Variants in KCNV2 observed in about 807,000 individuals in gnomAD.
KCNV2 encodes potassium voltage-gated channel modifier subfamily V member 2, also known as potassium voltage-gated channel subfamily V member 2.
In KCNV2, 65 loss-of-function variants were observed where a neutral mutation model predicts 37.0. The observed-to-expected ratio is 1.76, with a 90% CI of 1.44 to 2.16. The LOEUF is 2.16. KCNV2 is among the 30% of genes most tolerant of loss of function. The pLI is 0.00. For synonymous variants in KCNV2, 518 were observed against 328.6 expected (o/e 1.58, Z -6.23); for missense variants, 1,232 against 766.7 (o/e 1.61, Z -7.17).
chr9:2,718,432 ACT>A lies in KCNV2; in HGVS notation c.696_697del (p.Phe233ProfsTer138). The A allele has an allele frequency of 6.2e-7, 1 of 1,605,880 alleles. No individual in the cohort carries two copies. Among genetic ancestry groups the A allele is most frequent in the Non-Finnish European group, 8.5e-7 (1 of 1,177,112 alleles). ...AQAQVEEAEELFRDMRFYGPQ... is the reference protein window; with the variant it reads ...AQAQVEEAEEXFRDMRFYGPQ... Reference sequence around the variant, plus strand: ...AGGCGCAGGTCGAGGAGGCGGAGGAACTCTTCCGCGACATGCGCTTCTACGGC... The same window carrying A: ...AGGCGCAGGTCGAGGAGGCGGAGGAACTTCCGCGACATGCGCTTCTACGGC... On this transcript the variant is annotated frameshift_variant, in exon 1 of 2. Coordinates refer to ENST00000382082, the MANE Select transcript of KCNV2 (RefSeq NM_133497.4). LOFTEE classifies it high-confidence loss of function.
chr9:2,717,807 G>A lies in KCNV2; in HGVS notation c.68G>A (p.Gly23Asp), dbSNP rs1381565461. The A allele has an allele frequency of 6.2e-7, 1 of 1,614,238 alleles. No homozygotes were observed. The highest frequency in any genetic ancestry group is 2.2e-5 in the East Asian group (1 of 44,880). ...YRPWNTTENE[G>D]SQHRRSICSL... is the part of the protein sequence containing the mutation. Reference sequence around the variant, plus strand: ...CCCTGGAACACGACGGAGAATGAGGGCAGCCAACACCGCAGGAGCATTTGC... The same window carrying A: ...CCCTGGAACACGACGGAGAATGAGGACAGCCAACACCGCAGGAGCATTTGC... The change falls in exon 1 of 2, where the codon GGC becomes GAC. Residue 23 changes from glycine to aspartate, a missense_variant. Physicochemically the swap from Gly to Asp is moderately conservative, Grantham distance 94 (BLOSUM62 -1). Transcript: ENST00000382082.
chr9:2,728,876 T>A (rs1411546773), intron 1 of KCNV2, among the ~76,000 whole-genome samples: 1 of 143,946 alleles, frequency 6.9e-6, no homozygotes, highest in Non-Finnish European at 1.5e-5. Flanking sequence ...TTCTCCTGTT[T>A]TAAATAAAAA....
rs755584472 is a variant in KCNV2, at chr9:2,717,969, A to C, written c.230A>C (p.Gln77Pro). The change falls in exon 1 of 2, where the codon CAG (glutamine) becomes CCG (proline). Residue 77 changes from glutamine (Q) to proline (P), a missense_variant. Physicochemically the swap from Gln to Pro is moderately conservative, Grantham distance 76. Transcript: ENST00000382082. ...WKDDLAEEDQ[Q>P]AGEVTTAKPE... Reference sequence around the variant, plus strand: ...GACGACCTGGCAGAAGAGGACCAGCAGGCAGGGGAGGTCACCACCGCCAAG... The same window carrying C: ...GACGACCTGGCAGAAGAGGACCAGCCGGCAGGGGAGGTCACCACCGCCAAG... 25 of 1,614,028 alleles carry C rather than the reference A, an allele frequency of 1.5e-5. No homozygotes were observed. In the South Asian group the frequency reaches 2.7e-4, roughly 18 times the overall value.
At chr9:2,725,117 G>C (rs1374277231) in intron 1 of KCNV2, among the ~76,000 whole-genome samples, 1 of 152,188 alleles carries the variant, frequency 6.6e-6, no homozygotes, top group Non-Finnish European at 1.5e-5. Flanking sequence ...GAGAAATGCA[G>C]GGAAGCTGAG....
In KCNV2 at chr9:2,717,710, G is replaced by A; in HGVS notation, c.-30G>A. ...GAGGGACCCCTACCACAGCCAGGAG[G>A]AAAAAGCTAGGCGTCCACTTTCCGC... is the stretch of plus-strand genomic sequence containing the variant. On this transcript the variant is annotated 5_prime_UTR_variant, in exon 1 of 2. Coordinates refer to ENST00000382082, the MANE Select transcript of KCNV2 (RefSeq NM_133497.4). 1 of 1,614,036 alleles carries A rather than the reference G, an allele frequency of 6.2e-7. No individual in the cohort carries two copies. The highest frequency in any genetic ancestry group is 8.5e-7 in the Non-Finnish European group (1 of 1,180,006).
At chr9:2,722,758 C>T (rs1377139534) in intron 1 of KCNV2, among the ~76,000 whole-genome samples, 2 of 152,104 alleles carry the variant, frequency 1.3e-5, no homozygotes, top group Non-Finnish European at 2.9e-5. Context: ...CTGATTTCAG[C>T]TAGAAGGTTC....
chr9:2,724,635 G>A (rs1355312264), intron 1 of KCNV2, among the ~76,000 whole-genome samples: 1 of 152,162 alleles, frequency 6.6e-6, no homozygotes, highest in African/African-American at 2.4e-5. Flanking sequence ...CTCCTAAATT[G>A]GCACCATGAG....
chr9:2,727,715 G>GAT (rs572909851), intron 1 of KCNV2, among the ~76,000 whole-genome samples: 172 of 152,150 alleles, frequency 1.1e-3, no homozygotes, highest in African/African-American at 3.3e-3. Context: ...TTGCATACAT[G>GAT]ATATATATAT....
intron 1 of KCNV2, 140 bp downstream of exon 1, chr9:2,719,235 C>G: frequency 1.1e-6 from 1 of 887,996 alleles, no homozygotes; most frequent in Non-Finnish European, 1.8e-6. Context: ...ATACAGCTAA[C>G]AAAACGGCGA....
chr9:2,720,367 G>A (rs1227303402), intron 1 of KCNV2: 3 of 151,558 alleles, frequency 2.0e-5, no homozygotes, highest in African/African-American at 4.8e-5. Flanking sequence ...GGCTGGACAT[G>A]TAAAAGTCTG....
At chr9:2,726,274 A>C (rs1015641654) in intron 1 of KCNV2, among the ~76,000 whole-genome samples, 11 of 152,204 alleles carry the variant, frequency 7.2e-5, no homozygotes, top group African/African-American at 2.7e-4. Context: ...TGTTGAGTCA[A>C]ATTATTCACG....
At chr9:2,725,910 T>A (rs1819961296) in intron 1 of KCNV2, among the ~76,000 whole-genome samples, 1 of 152,182 alleles carries the variant, frequency 6.6e-6, no homozygotes, top group African/African-American at 2.4e-5. Context: ...GATTTGTTGT[T>A]TAGTGAGTAA....
intron 1 of KCNV2, among the ~76,000 whole-genome samples, chr9:2,724,348 A>G (rs1295574386): frequency 6.6e-6 from 1 of 152,198 alleles, no homozygotes; most frequent in Admixed American, 6.5e-5. Context: ...GAGGAAACCC[A>G]TTTGAAAAAT....
At position 2,718,504 on chromosome 9, in the gene KCNV2, C is replaced by A; in HGVS notation, c.765C>A (p.Ser255=). ...GGAACCTCATGGAGAAGCCATTCTC[C>A]TCGGTGGCCGCCAAGGCCATCGGGG... ...RLWNLMEKPF[S]SVAAKAIGVA... is the part of the protein sequence containing the mutation. The change falls in exon 1 of 2, where the codon TCC becomes TCA. Residue 255 remains serine (S), a synonymous_variant. Transcript: ENST00000382082. 1 of 1,610,860 alleles carries A rather than the reference C, an allele frequency of 6.2e-7. No individual in the cohort carries two copies. Among genetic ancestry groups the A allele is most frequent in the Non-Finnish European group, 8.5e-7 (1 of 1,179,094 alleles).
In KCNV2 at chr9:2,718,476, T is replaced by C. The variant is rs1433071774; in HGVS notation, c.737T>C (p.Leu246Pro). Residue 246 changes from leucine (L) to proline (P), a missense_variant, in exon 1 of 2, where the codon CTC becomes CCC. Physicochemically the swap from Leu to Pro is moderately conservative, Grantham distance 98. Coordinates refer to ENST00000382082, the MANE Select transcript of KCNV2 (RefSeq NM_133497.4). ...TTCTACGGCCCGCAGCGGCGCCGCC[T>C]CTGGAACCTCATGGAGAAGCCATTC... is the stretch of plus-strand genomic sequence containing the variant. ...MRFYGPQRRR[L>P]WNLMEKPFSS... 2.5e-6 allele frequency: 4 copies of C among 1,610,350 alleles called. No homozygotes were observed. The highest frequency in any genetic ancestry group is 2.5e-6 in the Non-Finnish European group (3 of 1,178,984).
chr9:2,721,410 A>G (rs900295341), intron 1 of KCNV2, among the ~76,000 whole-genome samples: 1 of 152,072 alleles, frequency 6.6e-6, no homozygotes, highest in Admixed American at 6.6e-5. Context: ...TGTACTTCTA[A>G]CTACACTCCA....
At chr9:2,720,289 C>G (rs1019879887) in intron 1 of KCNV2, among the ~76,000 whole-genome samples, 1 of 152,128 alleles carries the variant, frequency 6.6e-6, no homozygotes, top group African/African-American at 2.4e-5. Flanking sequence ...TAACCATGAC[C>G]CTGAATAATT....
chr9:2,718,515 C>G lies in KCNV2; in HGVS notation c.776C>G (p.Ala259Gly), dbSNP rs1392404765. 6.2e-7 allele frequency: 1 copy of G among 1,610,992 alleles called. No homozygotes were observed. The highest frequency in any genetic ancestry group is 1.3e-5 in the African/African-American group (1 of 75,034). The change falls in exon 1 of 2, where the codon GCC becomes GGC. Residue 259 changes from alanine to glycine, a missense_variant. Ala to Gly is a moderately conservative substitution (Grantham distance 60). Coordinates refer to ENST00000382082, the MANE Select transcript of KCNV2 (RefSeq NM_133497.4). ...LMEKPFSSVA[A>G]KAIGVASSTF... ...GAGAAGCCATTCTCCTCGGTGGCCG[C>G]CAAGGCCATCGGGGTGGCCTCCAGC...
intron 1 of KCNV2, 60 bp from the exon 2 acceptor site, chr9:2,729,386 C>G (rs1264153475): frequency 2.5e-6 from 4 of 1,597,038 alleles, no homozygotes; most frequent in African/African-American, 1.3e-5. Context: ...GCTCCTCTCC[C>G]TTTCTTCTCC....
Sources: gnomAD v4.1 joint callset for allele counts (sites outside exome capture counted in the v4.1 genomes callset) on GRCh38, gnomAD v4.1.1 for gene constraint, MANE v1.5 for transcripts, NCBI Gene and HGNC (gene_info 2026-07-23, HGNC 2026-07-21) for gene names.